Variants in HYDIN observed in about 807,000 individuals in gnomAD.
HYDIN encodes HYDIN axonemal central pair apparatus protein.
A neutral mutation model predicts 403.9 loss-of-function variants in HYDIN; 132 were observed. The ratio of observed to expected loss-of-function variants is 0.33; its 90% CI spans 0.28 to 0.38. The LOEUF is 0.38. Among genes scored for constraint, HYDIN ranks in the 10% least tolerant of loss-of-function variants. The pLI is 1.00. For synonymous variants in HYDIN, 1,202 were observed against 1,891.7 expected, an observed-to-expected ratio of 0.64 and a Z score of 9.46; for missense variants, 2,827 against 5,009.5, an observed-to-expected ratio of 0.56 and a Z score of 13.15.
chr16:70,886,679 G>T (rs111445462), intron 58 of HYDIN, among the ~76,000 whole-genome samples: 98 of 152,248 alleles, frequency 6.4e-4, no homozygotes, highest in African/African-American at 2.1e-3. Flanking sequence ...AAATATTTTT[G>T]CTGGATATAA....
At chr16:71,153,303 C>T (rs1015093155) in intron 6 of HYDIN, among the ~76,000 whole-genome samples, 5 of 152,128 alleles carry the variant, frequency 3.3e-5, no homozygotes, top group African/African-American at 4.8e-5. Context: ...AGGGATAGCA[C>T]CCTCACTCGC....
chr16:71,040,188 G>A (rs2081239183), intron 18 of HYDIN, among the ~76,000 whole-genome samples: 1 of 152,120 alleles, frequency 6.6e-6, no homozygotes, highest in African/African-American at 2.4e-5. Flanking sequence ...GATGCGGTTG[G>A]CTGGTTTCAG....
Position 71,184,850 on chromosome 16 carries a change from A to T in HYDIN, c.261+15T>A. On this transcript the variant is annotated intron_variant, in intron 3 of 85. Coordinates refer to ENST00000393567, the MANE Select transcript of HYDIN (RefSeq NM_001270974.2). ...AGGGCCCACTTTATATGTAAGTACG[A>T]CAGAGAGCAGCTACCTTCTGATGTG... The T allele has an allele frequency of 6.3e-7, 1 of 1,591,260 alleles. No individual in the cohort carries two copies. The highest frequency in any genetic ancestry group is 8.6e-7 in the Non-Finnish European group (1 of 1,166,144).
At chr16:70,904,853 C>A (rs902233363) in intron 50 of HYDIN, among the ~76,000 whole-genome samples, 1 of 151,144 alleles carries the variant, frequency 6.6e-6, no homozygotes, top group Non-Finnish European at 1.5e-5. Context: ...ACCTCATTCA[C>A]CTCCTTCTCC....
intron 45 of HYDIN, among the ~76,000 whole-genome samples, chr16:70,926,362 C>G (rs1433382756): frequency 6.7e-6 from 1 of 149,820 alleles, no homozygotes; most frequent in East Asian, 2.0e-4. Context: ...ATTGCAAGGA[C>G]AAAAAACCAA....
intron 1 of HYDIN, among the ~76,000 whole-genome samples, chr16:71,192,804 C>CT (rs1466080867): frequency 6.6e-6 from 1 of 152,162 alleles, no homozygotes; most frequent in East Asian, 1.9e-4. Flanking sequence ...TCCCAGCACC[C>CT]TGTACAGGGC....
At chr16:71,021,873 G>A (rs2080508278) in intron 21 of HYDIN, among the ~76,000 whole-genome samples, 1 of 152,134 alleles carries the variant, frequency 6.6e-6, no homozygotes, top group South Asian at 2.1e-4. Context: ...TCCTTCCACT[G>A]TGGTTCCTGG....
intron 45 of HYDIN, among the ~76,000 whole-genome samples, chr16:70,921,483 G>A (rs896443606): frequency 3.9e-5 from 6 of 152,152 alleles, no homozygotes; most frequent in Non-Finnish European, 8.8e-5. Context: ...ACTTTGATGT[G>A]TACTCCTGGT....
intron 1 of HYDIN, among the ~76,000 whole-genome samples, chr16:71,216,165 A>G (rs1419972155): frequency 1.3e-5 from 2 of 152,238 alleles, no homozygotes; most frequent in Non-Finnish European, 2.9e-5. Context: ...GATATGAGTA[A>G]GACTGTTCAT....
rs112468877 is a variant in HYDIN, at chr16:70,860,868, C to A, written c.11811G>T (p.Pro3937=). 1.5e-6 allele frequency: 1 copy of A among 647,142 alleles called. No homozygotes were observed. Among genetic ancestry groups the A allele is most frequent in the Admixed American group, 3.0e-5 (1 of 33,474 alleles). 40.1% of individuals were successfully genotyped at this position (647,142 alleles called of 1,614,324 possible). The stretch of plus-strand genomic sequence containing the variant: ...TGCTCCGCCCTTTTGCTACCAGGAC[C>A]GGACCTTGCTCTCCAGGTGGCAGGT... ...IPNLPPGEQG[P]VLVAKGRSTL... Residue 3937 remains proline (P), a synonymous_variant, in exon 70 of 86, where the codon CCG becomes CCT. Coordinates refer to ENST00000393567, the MANE Select transcript of HYDIN (RefSeq NM_001270974.2).
intron 65 of HYDIN, among the ~76,000 whole-genome samples, chr16:70,871,461 T>C (rs1384157428): frequency 6.6e-6 from 1 of 152,058 alleles, no homozygotes; most frequent in Non-Finnish European, 1.5e-5. Flanking sequence ...AACGTTATCC[T>C]AGGCCTTGTT....
chr16:70,834,924 A>G (rs2037282927), intron 78 of HYDIN, among the ~76,000 whole-genome samples: 1 of 149,574 alleles, frequency 6.7e-6, no homozygotes, highest in South Asian at 2.1e-4. Context: ...ATATACACAC[A>G]TATATGTATA....
intron 20 of HYDIN, chr16:71,027,135 T>C: frequency 9.6e-7 from 1 of 1,042,966 alleles, no homozygotes. Context: ...GGCTCTTTTA[T>C]TAATGCATAA....
At chr16:71,141,871 A>T (rs1456475012) in intron 7 of HYDIN, among the ~76,000 whole-genome samples, 1 of 152,044 alleles carries the variant, frequency 6.6e-6, no homozygotes, top group Non-Finnish European at 1.5e-5. Context: ...GAAGCTGCTC[A>T]ATGCAACACT....
chr16:71,230,266 G>T (rs1474683935), intron 1 of HYDIN, among the ~76,000 whole-genome samples: 1 of 152,196 alleles, frequency 6.6e-6, no homozygotes, highest in Admixed American at 6.5e-5. Context: ...GGTAAGACGG[G>T]AAATGATTCG....
In HYDIN at chr16:70,809,947, A is replaced by T. The variant is rs1159545510; in HGVS notation, c.14719T>A (p.Leu4907Met). 7 of 1,613,984 alleles carry T rather than the reference A, an allele frequency of 4.3e-6. No homozygotes were observed. The highest frequency in any genetic ancestry group is 5.9e-6 in the Non-Finnish European group (7 of 1,179,992). The change falls in exon 85 of 86, where the codon TTG becomes ATG. Residue 4907 changes from leucine to methionine, a missense_variant. Transcript: ENST00000393567. ...KAGETFGRLT[L>M]HNTDLGYYQY... ...TAGTAACCCAAGTCAGTGTTGTGCA[A>T]AGTTAGTCTTCCGAAGGTTTCTCCA...
rs376391982 is a variant in HYDIN at position 70,896,006 on chromosome 16, G to A, written c.9123C>T (p.Ile3041=). 8 of 1,610,908 alleles carry A rather than the reference G, an allele frequency of 5.0e-6. No homozygotes were observed. Among genetic ancestry groups the A allele is most frequent in the Middle Eastern group, 1.6e-4 (1 of 6,062 alleles). The part of the protein sequence containing the change: ...NIMVFAEAYD[I]ALDITFPKGA... Reference sequence around the variant, plus strand: ...CTTTGGGGAAGGTGATGTCCAAGGCGATGTCGTATGCCTCTGCAAAGACCA... The same window carrying A: ...CTTTGGGGAAGGTGATGTCCAAGGCAATGTCGTATGCCTCTGCAAAGACCA... Residue 3041 remains isoleucine (I), a synonymous_variant, in exon 54 of 86, where the codon ATC becomes ATT. Coordinates refer to ENST00000393567, the MANE Select transcript of HYDIN (RefSeq NM_001270974.2).
intron 20 of HYDIN, among the ~76,000 whole-genome samples, chr16:71,025,979 C>A (rs2080680103): frequency 6.6e-6 from 1 of 150,826 alleles, no homozygotes; most frequent in East Asian, 2.0e-4. Flanking sequence ...CAGCTCACTG[C>A]AACCTCTGCC....
intron 10 of HYDIN, among the ~76,000 whole-genome samples, chr16:71,110,229 T>C (rs1323019134): frequency 6.8e-6 from 1 of 146,652 alleles, no homozygotes; most frequent in Non-Finnish European, 1.5e-5. Context: ...GAGTCCTGTA[T>C]GTATGTGTGT....
Sources: gnomAD v4.1 joint callset for allele counts (sites outside exome capture counted in the v4.1 genomes callset) on GRCh38, gnomAD v4.1.1 for gene constraint, MANE v1.5 for transcripts, NCBI Gene and HGNC (gene_info 2026-07-23, HGNC 2026-07-21) for gene names.